Variants in NFIB observed in about 807,000 individuals in gnomAD.
NFIB encodes the protein nuclear factor 1 B-type.
NFIB carries 11 observed loss-of-function variants against 61.5 expected under a neutral mutation model. The observed-to-expected ratio is 0.18, with a 90% confidence interval of 0.11 to 0.30. The LOEUF (loss-of-function observed/expected upper bound fraction) is 0.30, where lower values mean the gene tolerates loss of function less well. Among genes scored for constraint, NFIB ranks in the 10% least tolerant of loss-of-function variants. The probability of loss-of-function intolerance (pLI) is 1.00; values close to 1 mark genes in which losing one functional copy is unlikely to be tolerated. For synonymous variants in NFIB, 260 were observed against 216.5 expected (o/e 1.20, Z -1.76); for missense variants, 471 against 608.9 (o/e 0.77, Z 2.38).
At chr9:14,375,304 A>C (rs779127168) in intron 1 of NFIB, among the ~76,000 whole-genome samples, 24 of 152,338 alleles carry the variant, frequency 1.6e-4, no homozygotes, top group Admixed American at 5.2e-4. Flanking sequence ...GAAAAGAGGA[A>C]GGCAAAATGA....
the NFIB span, among the ~76,000 whole-genome samples, chr9:14,463,089 TAATA>T: frequency 6.6e-6 from 1 of 151,928 alleles, no homozygotes; most frequent in Non-Finnish European, 1.5e-5. Context: ...CTATAACATT[TAATA>T]AATACACATG....
chr9:14,100,450 T>C (rs1329197387), intron 10 of NFIB, among the ~76,000 whole-genome samples: 1 of 152,212 alleles, frequency 6.6e-6, no homozygotes, highest in East Asian at 1.9e-4. Context: ...GGCTCACGCC[T>C]GTAATCCCAG....
the NFIB span, among the ~76,000 whole-genome samples, chr9:14,443,341 A>G: frequency 3.3e-5 from 5 of 151,972 alleles, no homozygotes; most frequent in African/African-American, 4.8e-5. Flanking sequence ...GCTTCTCTCA[A>G]AAAACATGAT....
Position 14,147,492 on chromosome 9 carries a change from A to T in NFIB, c.807-685T>A, listed in dbSNP as rs190080124. Among the ~76,000 whole-genome samples the T allele has an allele frequency of 5.1e-4, 78 of 152,104 alleles. 4 individuals are homozygous for T. In the East Asian group the frequency reaches 0.014, roughly 28 times the overall value. The stretch of plus-strand genomic sequence containing the variant: ...GTAATAACCCTATCATTAATAATAA[A>T]AAATTATAGTATTTTACTGATTATA... On this transcript the variant is annotated intron_variant, in intron 5 of 10. Coordinates refer to ENST00000380953, the MANE Select transcript of NFIB (RefSeq NM_001190737.2).
At chr9:14,345,742 G>A (rs950293060) in intron 1 of NFIB, among the ~76,000 whole-genome samples, 29 of 152,130 alleles carry the variant, frequency 1.9e-4, no homozygotes, top group African/African-American at 6.8e-4. Flanking sequence ...CAGACTTGAA[G>A]GTGGTTAGGT....
rs1047412804 is a variant in NFIB, at chr9:14,188,809, A to AT, written c.563-9030dup. Among the ~76,000 whole-genome samples, 5 of 152,286 alleles carry AT rather than the reference A, an allele frequency of 3.3e-5. No homozygotes were observed. In the East Asian group the frequency reaches 5.8e-4, roughly 18 times the overall value. Reference sequence around the variant, plus strand: ...ATTTCAGCTATACTATGTAATATACATTTTTTCCCCTTGGAAACCAAGAAA... The same window carrying AT: ...ATTTCAGCTATACTATGTAATATACATTTTTTTCCCCTTGGAAACCAAGAAA... On this transcript the variant is annotated intron_variant, in intron 2 of 10. Transcript: ENST00000380953.
At chr9:14,142,628 T>A (rs904427797) in intron 6 of NFIB, among the ~76,000 whole-genome samples, 5 of 152,132 alleles carry the variant, frequency 3.3e-5, no homozygotes, top group South Asian at 2.1e-4. Context: ...AAATTGAGTC[T>A]CTGAATTGAC....
upstream of NFIB, among the ~76,000 whole-genome samples, chr9:14,316,202 G>T (rs2132789822): frequency 6.6e-6 from 1 of 152,328 alleles, no homozygotes; most frequent in African/African-American, 2.4e-5. Flanking sequence ...CCATGAAATG[G>T]TCACTTTTTA....
chr9:14,168,810 T>G (rs959013148), intron 3 of NFIB, among the ~76,000 whole-genome samples: 2 of 152,216 alleles, frequency 1.3e-5, no homozygotes, highest in Non-Finnish European at 2.9e-5. Context: ...TTTAAAACAT[T>G]TTGCCCCTCT....
chr9:14,155,858 A>C lies in NFIB; in HGVS notation c.652T>G (p.Phe218Val). The change falls in exon 4 of 11, where the codon TTC becomes GTC. Residue 218 changes from phenylalanine to valine, a missense_variant. Phe to Val is a conservative substitution (Grantham distance 50). This residue lies in a region of NFIB where 372 missense variants were observed against 395.6 expected (regional missense o/e 0.94). Coordinates refer to ENST00000380953, the MANE Select transcript of NFIB (RefSeq NM_001190737.2). ...LEDSFVKSGV[F>V]NVSELVRVSR... ...ACTCTTACAAGTTCTGATACATTGA[A>C]GACTCCAGATTTTACAAAACTATCC... 1 of 1,590,652 alleles carries C rather than the reference A, an allele frequency of 6.3e-7. No individual in the cohort carries two copies. Among genetic ancestry groups the C allele is most frequent in the Non-Finnish European group, 8.6e-7 (1 of 1,167,596 alleles).
chr9:14,248,659 G>C (rs143647216), intron 2 of NFIB, among the ~76,000 whole-genome samples: 7 of 152,222 alleles, frequency 4.6e-5, no homozygotes, highest in African/African-American at 1.7e-4. Flanking sequence ...TGGGTGTCTC[G>C]TGATCCTCCT....
chr9:14,468,424 C>CA, the NFIB span, among the ~76,000 whole-genome samples: 1 of 152,144 alleles, frequency 6.6e-6, no homozygotes, highest in Admixed American at 6.5e-5. Flanking sequence ...AACATAAACA[C>CA]AAAAAATGCC....
At chr9:14,454,080 A>G in the NFIB span, among the ~76,000 whole-genome samples, 1 of 152,198 alleles carries the variant, frequency 6.6e-6, no homozygotes, top group East Asian at 1.9e-4. Context: ...AAAAAAAAGT[A>G]CAATATATAT....
At chr9:14,240,805 G>C (rs936874781) in intron 2 of NFIB, among the ~76,000 whole-genome samples, 1 of 152,110 alleles carries the variant, frequency 6.6e-6, no homozygotes, top group African/African-American at 2.4e-5. Flanking sequence ...CCAAGCCTCA[G>C]TTCATCTACT....
intron 10 of NFIB, among the ~76,000 whole-genome samples, chr9:14,112,530 G>A (rs1359655775): frequency 6.6e-6 from 1 of 152,196 alleles, no homozygotes; most frequent in Admixed American, 6.5e-5. Flanking sequence ...GGAATGAAGT[G>A]TCGCCTGAGA....
the NFIB span, among the ~76,000 whole-genome samples, chr9:14,431,024 A>T: frequency 1.3e-5 from 2 of 152,216 alleles, no homozygotes; most frequent in Admixed American, 6.5e-5. Context: ...CCTTTGAGAT[A>T]TTTCTCAAAT....
chr9:14,440,392 A>AT, the NFIB span, among the ~76,000 whole-genome samples: 18 of 151,886 alleles, frequency 1.2e-4, no homozygotes, highest in African/African-American at 3.4e-4. Flanking sequence ...TAATTGGCCT[A>AT]TTTTTTTTAT....
chr9:14,458,632 C>T, the NFIB span, among the ~76,000 whole-genome samples: 1 of 152,168 alleles, frequency 6.6e-6, no homozygotes, highest in South Asian at 2.1e-4. Context: ...CGTCTCAGCT[C>T]AAAATCTTCT....
chr9:14,524,272 C>A, the NFIB span, among the ~76,000 whole-genome samples: 12 of 152,028 alleles, frequency 7.9e-5, no homozygotes, highest in Non-Finnish European at 1.5e-4. Flanking sequence ...ATACAGTAGA[C>A]CCATTTATAT....
Sources: allele counts gnomAD v4.1 joint callset (sites outside exome capture counted in the v4.1 genomes callset), GRCh38; gene constraint gnomAD v4.1.1; regional missense constraint gnomAD v4.1.1; transcripts MANE v1.5; gene names NCBI Gene and HGNC (gene_info 2026-07-23, HGNC 2026-07-21).